GMDS: variants seen among roughly 807,000 people sequenced by gnomAD.
GMDS encodes the protein GDP-mannose 4,6-dehydratase, also known as GDP-mannose 4,6 dehydratase.
A neutral mutation model predicts 49.9 loss-of-function variants in GMDS; 20 were observed. That is an observed-to-expected ratio of 0.40 (90% confidence interval 0.28 to 0.58). The LOEUF is 0.58. Among genes scored for constraint, GMDS ranks in the 20% least tolerant of loss-of-function variants. The pLI, the probability that GMDS is intolerant of heterozygous loss-of-function variation, is 0.42. For synonymous variants in GMDS, 177 were observed against 178.6 expected (o/e 0.99, Z 0.07); for missense variants, 362 against 481.4 (o/e 0.75, Z 2.32).
chr6:2,093,796 A>C (rs947069337), intron 4 of GMDS, among the ~76,000 whole-genome samples: 5 of 152,244 alleles, frequency 3.3e-5, no homozygotes, highest in Middle Eastern at 3.4e-3. Context: ...AAAAAGAAAA[A>C]AACATAGGTC....
chr6:2,202,837 G>T (rs953606412), intron 1 of GMDS, among the ~76,000 whole-genome samples: 3 of 152,196 alleles, frequency 2.0e-5, no homozygotes, highest in African/African-American at 7.2e-5. Flanking sequence ...ATGGAGCAGA[G>T]ACGGAAACAA....
chr6:1,923,035 C>T (rs967801833), intron 7 of GMDS, among the ~76,000 whole-genome samples: 4 of 152,182 alleles, frequency 2.6e-5, no homozygotes, highest in East Asian at 1.9e-4. Flanking sequence ...TTTCACTTGG[C>T]TCTCATTCTC....
chr6:1,912,460 A>C (rs1761119320), intron 7 of GMDS, among the ~76,000 whole-genome samples: 1 of 152,234 alleles, frequency 6.6e-6, no homozygotes, highest in Non-Finnish European at 1.5e-5. Flanking sequence ...CAGGTTAAAC[A>C]CTTTGCATTA....
chr6:1,737,430 A>G (rs1767037120), intron 8 of GMDS, among the ~76,000 whole-genome samples: 1 of 152,120 alleles, frequency 6.6e-6, no homozygotes, highest in Non-Finnish European at 1.5e-5. Context: ...TGGTAAGTTG[A>G]TGTGAAAGGA....
intron 1 of GMDS, among the ~76,000 whole-genome samples, chr6:2,131,915 A>G (rs1205024415): frequency 2.0e-5 from 3 of 152,108 alleles, no homozygotes; most frequent in Non-Finnish European, 4.4e-5. Context: ...CAGAGAAAAA[A>G]AAATCTTCAT....
rs1341013682 is a variant in GMDS, at chr6:2,131,673, GC to G, written c.103-6943del. 2.6e-5 allele frequency among the ~76,000 whole-genome samples: 4 copies of G among 152,186 alleles called. No individual in the cohort carries two copies. In the East Asian group the frequency reaches 5.8e-4, roughly 22 times the overall value. ...TTAAAGAACATCTGTAAATCCAAAG[GC>G]ATCTATTAACAGCCTACGTGTGTGC... On this transcript the variant is annotated intron_variant, in intron 1 of 10. Coordinates refer to ENST00000380815, the MANE Select transcript of GMDS (RefSeq NM_001500.4).
At chr6:2,172,216 G>A (rs1445126929) in intron 1 of GMDS, among the ~76,000 whole-genome samples, 2 of 152,124 alleles carry the variant, frequency 1.3e-5, no homozygotes, top group Admixed American at 1.3e-4. Flanking sequence ...GAGAAAAAAT[G>A]AGATACTACC....
At chr6:1,701,620 C>T (rs1463838728) in intron 9 of GMDS, among the ~76,000 whole-genome samples, 2 of 152,012 alleles carry the variant, frequency 1.3e-5, no homozygotes, top group Admixed American at 6.6e-5. Context: ...GGAGTAATAG[C>T]GTGGTCTGTG....
intron 4 of GMDS, among the ~76,000 whole-genome samples, chr6:1,996,785 G>A (rs1275967862): frequency 4.6e-4 from 70 of 152,054 alleles, no homozygotes; most frequent in Non-Finnish European, 2.9e-5. Context: ...GGTATAAGGG[G>A]AGCTAAAAAA....
At chr6:1,848,154 A>T (rs6596857) in intron 7 of GMDS, among the ~76,000 whole-genome samples, 1 of 152,142 alleles carries the variant, frequency 6.6e-6, no homozygotes, top group African/African-American at 2.4e-5. Context: ...AGAGTGAAGC[A>T]TGGACTTCTC....
chr6:2,087,892 A>G (rs1773102717), intron 4 of GMDS, among the ~76,000 whole-genome samples: 1 of 152,130 alleles, frequency 6.6e-6, no homozygotes, highest in African/African-American at 2.4e-5. Flanking sequence ...GTGTCCTCAG[A>G]TTTTTATAGA....
intron 4 of GMDS, among the ~76,000 whole-genome samples, chr6:2,084,516 C>CT (rs1044016611): frequency 1.1e-4 from 17 of 150,608 alleles, no homozygotes; most frequent in African/African-American, 3.2e-4. Context: ...CTTTTTTTTT[C>CT]TTTTTTTTGA....
At chr6:2,217,465 G>C (rs975259508) in intron 1 of GMDS, among the ~76,000 whole-genome samples, 4 of 152,124 alleles carry the variant, frequency 2.6e-5, no homozygotes, top group Non-Finnish European at 5.9e-5. Context: ...GTGGTTTGTT[G>C]TTTAACTTTA....
chr6:2,236,938 T>C (rs971199105), intron 1 of GMDS, among the ~76,000 whole-genome samples: 23 of 152,228 alleles, frequency 1.5e-4, no homozygotes, highest in Admixed American at 1.4e-3. Flanking sequence ...AAATACTTTC[T>C]ATAAATCCCT....
At chr6:2,158,114 C>T (rs1409617539) in intron 1 of GMDS, among the ~76,000 whole-genome samples, 1 of 152,182 alleles carries the variant, frequency 6.6e-6, no homozygotes, top group African/African-American at 2.4e-5. Flanking sequence ...GTGGCCTTTT[C>T]ATCACCTTGC....
chr6:1,999,990 TA>T (rs1766637430), intron 4 of GMDS, among the ~76,000 whole-genome samples: 2 of 15,696 alleles, frequency 1.3e-4, no homozygotes, highest in Admixed American at 1.2e-3. Context: ...ATTTTATATA[TA>T]TATATTATAT....
At chr6:2,102,535 C>T (rs1483660120) in intron 4 of GMDS, among the ~76,000 whole-genome samples, 1 of 152,074 alleles carries the variant, frequency 6.6e-6, no homozygotes, top group African/African-American at 2.4e-5. Context: ...TTAATGAAAA[C>T]CGTGGCAGTG....
chr6:2,132,222 C>T (rs1201547978), intron 1 of GMDS, among the ~76,000 whole-genome samples: 7 of 152,010 alleles, frequency 4.6e-5, no homozygotes, highest in Admixed American at 2.0e-4. Context: ...CTAATAGGAT[C>T]GATCCCTCTA....
chr6:2,069,610 C>T lies in GMDS; in HGVS notation c.345+46161G>A, dbSNP rs1267373723. Reference sequence around the variant, plus strand: ...ATCCCATCAAAAAGTGGGCGAAGGACATGAACAGACACTTCTCAAAAGAAG... The same window carrying T: ...ATCCCATCAAAAAGTGGGCGAAGGATATGAACAGACACTTCTCAAAAGAAG... On this transcript the variant is annotated intron_variant, in intron 4 of 10. Transcript: ENST00000380815. Among the ~76,000 whole-genome samples, 15 of 152,228 alleles carry T rather than the reference C, an allele frequency of 9.9e-5. No individual in the cohort carries two copies. In the East Asian group the frequency reaches 1.2e-3, roughly 12 times the overall value.
Sources: allele counts gnomAD v4.1 joint callset (sites outside exome capture counted in the v4.1 genomes callset), GRCh38; gene constraint gnomAD v4.1.1; transcripts MANE v1.5; gene names NCBI Gene and HGNC (gene_info 2026-07-23, HGNC 2026-07-21).